The following DAB1 variants were observed in gnomAD, a reference collection of about 807,000 sequenced individuals.
DAB1 encodes the protein disabled homolog 1.
In DAB1, 15 loss-of-function variants were observed where a neutral mutation model predicts 64.6. That is an observed-to-expected ratio of 0.23 (90% confidence interval 0.16 to 0.36). The LOEUF (loss-of-function observed/expected upper bound fraction) is 0.36. DAB1 is among the 10% of genes least tolerant of loss of function. DAB1 has a pLI of 1.00. For synonymous variants in DAB1, 235 were observed against 251.9 expected (o/e 0.93, Z 0.64); for missense variants, 596 against 706.7 (o/e 0.84, Z 1.78).
intron 7 of DAB1, among the ~76,000 whole-genome samples, chr1:57,638,388 G>C (rs899885498): frequency 6.6e-6 from 1 of 152,108 alleles, no homozygotes; most frequent in Admixed American, 6.5e-5. Context: ...TCTGGGCGAG[G>C]AGTGTCAGAT....
intron 5 of DAB1, among the ~76,000 whole-genome samples, chr1:58,014,264 T>C (rs912089243): frequency 3.9e-5 from 6 of 152,210 alleles, no homozygotes; most frequent in African/African-American, 1.4e-4. Context: ...AGTTTCAAAA[T>C]TGGATTCTTG....
intron 3 of DAB1, among the ~76,000 whole-genome samples, chr1:58,345,480 G>A (rs997958276): frequency 3.3e-5 from 5 of 152,142 alleles, no homozygotes. Flanking sequence ...AATTCAGCAG[G>A]GATGCCTCCA....
At chr1:57,167,298 G>C (rs1213257794) in intron 2 of DAB1, among the ~76,000 whole-genome samples, 1 of 152,106 alleles carries the variant, frequency 6.6e-6, no homozygotes, top group African/African-American at 2.4e-5. Context: ...AAGTCATCAA[G>C]GAATTATTTA....
At chr1:57,532,438 C>T (rs1158523590) in intron 7 of DAB1, among the ~76,000 whole-genome samples, 12 of 152,120 alleles carry the variant, frequency 7.9e-5, no homozygotes, top group Admixed American at 7.9e-4. Flanking sequence ...GCATTTTTCA[C>T]ACTATACTCT....
At chr1:57,009,390 A>G (rs968196840) in intron 14 of DAB1, among the ~76,000 whole-genome samples, 5 of 152,258 alleles carry the variant, frequency 3.3e-5, no homozygotes, top group Non-Finnish European at 5.9e-5. Flanking sequence ...ACATATTATT[A>G]TGTGCTATTG....
chr1:57,144,633 G>T (rs537722881), intron 3 of DAB1, among the ~76,000 whole-genome samples: 2 of 151,288 alleles, frequency 1.3e-5, no homozygotes, highest in African/African-American at 2.4e-5. Context: ...GGCGGAAGTT[G>T]CAGTGAGCCG....
At chr1:57,056,504 C>G (rs1217427756) in intron 9 of DAB1, among the ~76,000 whole-genome samples, 1 of 87,030 alleles carries the variant, frequency 1.1e-5, no homozygotes, top group Non-Finnish European at 2.2e-5. Flanking sequence ...GAGCCTGTCT[C>G]AAAAAAAAAA....
At chr1:57,422,677 T>G (rs1407532435) in intron 1 of DAB1, among the ~76,000 whole-genome samples, 1 of 151,768 alleles carries the variant, frequency 6.6e-6, no homozygotes, top group Non-Finnish European at 1.5e-5. Context: ...TAAGCGGAAG[T>G]GCCCCAGCAG....
intron 9 of DAB1, among the ~76,000 whole-genome samples, chr1:57,051,387 A>G (rs1263780950): frequency 2.0e-5 from 3 of 152,206 alleles, no homozygotes; most frequent in African/African-American, 7.2e-5. Flanking sequence ...ATTTCAAACT[A>G]AAGGAAAAAC....
intron 2 of DAB1, among the ~76,000 whole-genome samples, chr1:57,228,415 G>A (rs1258609534): frequency 6.6e-6 from 1 of 152,050 alleles, no homozygotes; most frequent in Non-Finnish European, 1.5e-5. Flanking sequence ...TAGGATGAAA[G>A]ATATAAAGAT....
intron 7 of DAB1, among the ~76,000 whole-genome samples, chr1:57,464,279 G>A (rs1330025164): frequency 6.6e-6 from 1 of 152,030 alleles, no homozygotes; most frequent in Non-Finnish European, 1.5e-5. Flanking sequence ...CTTTTTTATA[G>A]GATGGTCTCT....
chr1:58,441,197 G>A (rs1645004109), intron 3 of DAB1, among the ~76,000 whole-genome samples: 1 of 152,182 alleles, frequency 6.6e-6, no homozygotes, highest in South Asian at 2.1e-4. Flanking sequence ...CTGGATCAGA[G>A]GCAAGTACTG....
chr1:58,011,004 C>T (rs1301513136), intron 5 of DAB1, among the ~76,000 whole-genome samples: 1 of 152,180 alleles, frequency 6.6e-6, no homozygotes, highest in Non-Finnish European at 1.5e-5. Context: ...TATTTTTACT[C>T]CATTTTTACC....
Position 58,448,499 on chromosome 1 carries a change from A to G in DAB1, n.257+57561T>C, listed in dbSNP as rs142990718. 1.7e-3 allele frequency among the ~76,000 whole-genome samples: 262 copies of G among 152,342 alleles called. 1 individual carries two copies. Among genetic ancestry groups the G allele is most frequent in the African/African-American group, 6.1e-3 (255 of 41,570 alleles). On this transcript the variant is annotated intron_variant and non_coding_transcript_variant, in intron 3 of 20. Coordinates refer to the DAB1 transcript ENST00000485760. ...GACCCCAGTTTGTGCTTTTCTCTTT[A>G]TACTGAAGCATGCAGTGAAGACTGG...
rs141127061 is a variant in DAB1 at position 58,137,173 on chromosome 1, A to C, written n.387+13338T>G. Among the ~76,000 whole-genome samples, 133 of 152,316 alleles carry C rather than the reference A, an allele frequency of 8.7e-4. No individual in the cohort carries two copies. The East Asian group carries it at 0.023, about 26-fold the overall frequency. ...AATATATTGCTCTACTTTCTACTCC[A>C]TGGGGTCATAGAATTACAAGACTAA... On this transcript the variant is annotated intron_variant and non_coding_transcript_variant, in intron 5 of 20. Coordinates refer to the DAB1 transcript ENST00000485760.
At chr1:57,316,980 G>A (rs1675266934) in intron 1 of DAB1, among the ~76,000 whole-genome samples, 2 of 152,148 alleles carry the variant, frequency 1.3e-5, no homozygotes, top group African/African-American at 2.4e-5. Context: ...AATGGAATAT[G>A]GCAAAAAGTA....
At chr1:57,959,958 C>G (rs561498179) in intron 5 of DAB1, among the ~76,000 whole-genome samples, 22 of 152,264 alleles carry the variant, frequency 1.4e-4, no homozygotes, top group Non-Finnish European at 2.9e-4. Context: ...TCTAGGCAAC[C>G]CTTGCATAAA....
chr1:57,143,043 T>C (rs368713322), intron 3 of DAB1, among the ~76,000 whole-genome samples: 1 of 152,174 alleles, frequency 6.6e-6, no homozygotes. Flanking sequence ...TATGGCTCTA[T>C]CTAATTGGAG....
At chr1:57,953,967 G>T (rs11207137) in intron 5 of DAB1, among the ~76,000 whole-genome samples, 4 of 151,910 alleles carry the variant, frequency 2.6e-5, no homozygotes, top group African/African-American at 4.8e-5. Flanking sequence ...TCCCTTTTTG[G>T]TTTTTATTAA....
Sources: allele counts gnomAD v4.1 joint callset (sites outside exome capture counted in the v4.1 genomes callset), GRCh38; gene constraint gnomAD v4.1.1; transcripts MANE v1.5; gene names NCBI Gene and HGNC (gene_info 2026-07-23, HGNC 2026-07-21).